SUCO: variants seen among roughly 807,000 people sequenced by gnomAD.
The protein encoded by SUCO is SUN domain-containing ossification factor.
A neutral mutation model predicts 148.1 loss-of-function variants in SUCO; 57 were observed. That is an observed-to-expected ratio of 0.38 (90% CI 0.31 to 0.48). SUCO has a LOEUF of 0.48. Among genes scored for constraint, SUCO ranks in the 20% least tolerant of loss-of-function variants. SUCO has a pLI of 0.96. For missense variants in SUCO, 1,331 were observed against 1,468.2 expected (o/e 0.91, Z 1.53); for synonymous variants, 470 against 502.7 (o/e 0.93, Z 0.87).
At chr1:172,557,038 TTGAGAA>T in intron 4 of SUCO, 5 of 970,152 alleles carry the variant, frequency 5.2e-6, no homozygotes, top group Non-Finnish European at 6.1e-6. Context: ...AGAAGATACA[TTGAGAA>T]TAAGTAATTT....
intron 13 of SUCO, 63 bp from the exon 14 acceptor site, chr1:172,578,235 T>C: frequency 8.2e-7 from 1 of 1,223,812 alleles, no homozygotes; most frequent in Admixed American, 1.7e-5. Context: ...TCATTTATTG[T>C]GAAGAGATTA....
chr1:172,573,873 C>G lies in SUCO; in HGVS notation c.1050-18C>G, dbSNP rs1655229593. 7.2e-7 allele frequency: 1 copy of G among 1,392,882 alleles called. No individual in the cohort carries two copies. Among genetic ancestry groups the G allele is most frequent in the South Asian group, 1.2e-5 (1 of 83,054 alleles). The allele number at this position is 1,392,882 out of a possible 1,614,324, so 86.3% of individuals were successfully genotyped here. A position where few individuals can be genotyped will look rare whatever the true frequency, so the allele number is the denominator to read the frequency against. On this transcript the variant is annotated intron_variant, in intron 9 of 23. Transcript: ENST00000263688. ...TATTTTGATTGGTTTAAGTAATTGT[C>G]TTTTGTTCTTTTTGAAGGTTTGTTA...
intron 1 of SUCO, among the ~76,000 whole-genome samples, chr1:172,535,433 T>TTC (rs1651934798): frequency 6.6e-6 from 1 of 152,198 alleles, no homozygotes; most frequent in Non-Finnish European, 1.5e-5. Context: ...TGATGATGAA[T>TTC]GAGATTGGGG....
At chr1:172,576,027 C>T (rs911172670) in intron 11 of SUCO, among the ~76,000 whole-genome samples, 1 of 151,876 alleles carries the variant, frequency 6.6e-6, no homozygotes, top group Non-Finnish European at 1.5e-5. Context: ...TTAACGTCCA[C>T]TTATTTGGCA....
chr1:172,542,723 A>G, intron 1 of SUCO: 1 of 985,432 alleles, frequency 1.0e-6, no homozygotes, highest in African/African-American at 1.7e-5. Flanking sequence ...GACCGCTGTC[A>G]TAGAGGGAAT....
chr1:172,596,923 C>T (rs547905939), intron 19 of SUCO, among the ~76,000 whole-genome samples: 25 of 152,356 alleles, frequency 1.6e-4, no homozygotes, highest in South Asian at 1.2e-3. Flanking sequence ...CCTTGAGCTG[C>T]GCTGGGCTCC....
chr1:172,585,717 CT>C (rs1369280339), intron 16 of SUCO, 140 bp from the exon 17 acceptor site: 1 of 610,350 alleles, frequency 1.6e-6, no homozygotes, highest in Admixed American at 2.9e-5. Context: ...CCTAAAAGAA[CT>C]TTGATTTTTT....
In SUCO at chr1:172,557,917, CAT is replaced by C. The variant is rs942475450; in HGVS notation, c.732+124_732+125del. The C allele has an allele frequency of 5.2e-5, 38 of 735,896 alleles. No individual in the cohort carries two copies. In the African/African-American group the frequency reaches 6.6e-4, roughly 13 times the overall value. 45.6% of individuals were successfully genotyped at this position (735,896 alleles called of 1,614,324 possible). ...ATCAGGGAGATTAAGTAGACAATAA[CAT>C]GTGGAACTAACACGAACTGTGCTCC... On this transcript the variant is annotated intron_variant, in intron 6 of 23. Transcript: ENST00000263688.
chr1:172,560,386 A>G (rs1390409584), intron 6 of SUCO, among the ~76,000 whole-genome samples: 1 of 152,252 alleles, frequency 6.6e-6, no homozygotes, highest in Non-Finnish European at 1.5e-5. Flanking sequence ...GGAGTTGTTC[A>G]TATAGGTGCA....
At chr1:172,556,790 C>A in intron 4 of SUCO, 2 of 924,584 alleles carry the variant, frequency 2.2e-6, no homozygotes, top group Non-Finnish European at 2.6e-6. Flanking sequence ...GAATTTAAGG[C>A]TAGATACTAT....
At chr1:172,559,168 G>A (rs538325009) in intron 6 of SUCO, among the ~76,000 whole-genome samples, 4 of 152,240 alleles carry the variant, frequency 2.6e-5, no homozygotes, top group South Asian at 2.1e-4. Flanking sequence ...ACTGATTGCC[G>A]TACTTATACA....
Position 172,611,500 on chromosome 1 carries a change from CTG to C in SUCO, c.*1243_*1244del, listed in dbSNP as rs1489849356. 4 of 152,568 alleles carry C rather than the reference CTG, an allele frequency of 2.6e-5. No homozygotes were observed. The highest frequency in any genetic ancestry group is 5.9e-5 in the Non-Finnish European group (4 of 68,014). The allele number at this position is 152,568 out of a possible 1,614,324, so 9.5% of individuals were successfully genotyped here. A position where few individuals can be genotyped will look rare whatever the true frequency, so the allele number is the denominator to read the frequency against. On this transcript the variant is annotated 3_prime_UTR_variant, in exon 24 of 24. Coordinates refer to ENST00000263688, the MANE Select transcript of SUCO (RefSeq NM_014283.5). ...TATTGAGCACTTTTAGTAGTGATAA[CTG>C]TTTTTAAACTTGCCTAATACCTTTC...
chr1:172,572,695 A>AT (rs1491399877), intron 9 of SUCO, among the ~76,000 whole-genome samples: 7 of 110,894 alleles, frequency 6.3e-5, no homozygotes, highest in South Asian at 3.1e-4. Context: ...AGAATGATCA[A>AT]TAAAAAAAAA....
intron 22 of SUCO, chr1:172,608,460 C>A (rs1050470040): frequency 1.0e-5 from 4 of 386,384 alleles, no homozygotes; most frequent in South Asian, 5.7e-5. Context: ...AAAGAAAGAT[C>A]GTTATTGTAT....
At chr1:172,532,683 TTCTC>T (rs750552896), upstream of SUCO, 134 of 1,613,872 alleles carry the variant, frequency 8.3e-5, no homozygotes, top group Non-Finnish European at 1.1e-4. Context: ...AACTATAGAC[TTCTC>T]TAACAAAACC....
At chr1:172,556,549 C>T (rs1361348628) in intron 4 of SUCO, 22 of 942,812 alleles carry the variant, frequency 2.3e-5, no homozygotes, top group Non-Finnish European at 2.7e-5. Flanking sequence ...AACAAAATGT[C>T]CTTCTCTTAA....
At chr1:172,556,972 G>C (rs568523342) in intron 4 of SUCO, 1 of 981,904 alleles carries the variant, frequency 1.0e-6, no homozygotes, top group East Asian at 1.1e-4. Flanking sequence ...GATGCCATAA[G>C]TAACAACTTT....
upstream of SUCO, chr1:172,532,658 C>T (rs1558162843): frequency 6.2e-7 from 1 of 1,614,026 alleles, no homozygotes; most frequent in East Asian, 2.2e-5. Context: ...TGATCAGTCT[C>T]GTGGTGAGCA....
At chr1:172,532,458 G>C (rs762288694), upstream of SUCO, 2 of 1,594,244 alleles carry the variant, frequency 1.3e-6, no homozygotes, top group Non-Finnish European at 1.7e-6. Flanking sequence ...AAGGTTTTCC[G>C]CTGCAACCAA....
Sources: allele counts gnomAD v4.1 joint callset (sites outside exome capture counted in the v4.1 genomes callset), GRCh38; gene constraint gnomAD v4.1.1; transcripts MANE v1.5; gene names NCBI Gene and HGNC (gene_info 2026-07-23, HGNC 2026-07-21).